Variants in CTTNBP2 observed in about 807,000 individuals in gnomAD.
The protein encoded by CTTNBP2 is cortactin binding protein 2.
A neutral mutation model predicts 156.9 loss-of-function variants in CTTNBP2; 108 were observed. The ratio of observed to expected loss-of-function variants is 0.69; its 90% CI spans 0.59 to 0.81. CTTNBP2 has a LOEUF of 0.81. Among genes scored for constraint, CTTNBP2 ranks in the 30% least tolerant of loss-of-function variants. CTTNBP2 has a pLI of 0.00. For missense variants in CTTNBP2, 1,924 were observed against 2,035.4 expected, an observed-to-expected ratio of 0.95 and a Z score of 1.05; for synonymous variants, 767 against 751.8, an observed-to-expected ratio of 1.02 and a Z score of -0.33.
At chr7:117,825,043 G>C (rs1184722027) in intron 2 of CTTNBP2, among the ~76,000 whole-genome samples, 1 of 152,170 alleles carries the variant, frequency 6.6e-6, no homozygotes. Context: ...GAATCTTTCT[G>C]AATATATTTA....
In CTTNBP2 at chr7:117,791,619, C is replaced by T. The variant is rs868015126; in HGVS notation, c.1577G>A (p.Arg526Gln). ...GDVGTHPPVG[R>Q]TSLKTHGVAR... ...TACACCATGAGTCTTTAAACTGGTCCGACCAACTGGAGGGTGGGTGCCAAC... is the reference window on the plus strand; with the variant it reads ...TACACCATGAGTCTTTAAACTGGTCTGACCAACTGGAGGGTGGGTGCCAAC... The change falls in exon 4 of 23, where the codon CGG (arginine) becomes CAG (glutamine). Residue 526 changes from arginine to glutamine, a missense_variant. Arg to Gln is a conservative substitution (Grantham distance 43, BLOSUM62 1). Coordinates refer to ENST00000160373, the MANE Select transcript of CTTNBP2 (RefSeq NM_033427.3). 23 of 1,613,980 alleles carry T rather than the reference C, an allele frequency of 1.4e-5. No homozygotes were observed. Among genetic ancestry groups the T allele is most frequent in the East Asian group, 4.5e-5 (2 of 44,876 alleles).
At chr7:117,836,319 C>T (rs1329699706) in intron 2 of CTTNBP2, among the ~76,000 whole-genome samples, 1 of 152,174 alleles carries the variant, frequency 6.6e-6, no homozygotes, top group Non-Finnish European at 1.5e-5. Context: ...AATCCCAGCA[C>T]TTTGGGAGGC....
At chr7:117,789,995 T>C (rs1455620167) in intron 4 of CTTNBP2, among the ~76,000 whole-genome samples, 2 of 152,220 alleles carry the variant, frequency 1.3e-5, no homozygotes, top group Non-Finnish European at 2.9e-5. Context: ...ACTGCTGTCA[T>C]CACCTGATAA....
intron 7 of CTTNBP2, among the ~76,000 whole-genome samples, chr7:117,778,488 A>T (rs1305291933): frequency 1.3e-5 from 2 of 152,184 alleles, no homozygotes; most frequent in African/African-American, 4.8e-5. Flanking sequence ...AGTCCTTTTT[A>T]GGGCAGTGAT....
chr7:117,804,867 C>G (rs963967748), intron 3 of CTTNBP2, among the ~76,000 whole-genome samples: 5 of 152,162 alleles, frequency 3.3e-5, no homozygotes, highest in Non-Finnish European at 7.4e-5. Context: ...CACCATGGCA[C>G]ATGTTTACCT....
intron 8 of CTTNBP2, 32 bp downstream of exon 8, chr7:117,777,479 T>G (rs200335963): frequency 7.2e-5 from 115 of 1,596,652 alleles, no homozygotes; most frequent in South Asian, 4.0e-4. Flanking sequence ...AAATTACAGC[T>G]GCATGATGAG....
chr7:117,754,436 C>T (rs1281993718), intron 12 of CTTNBP2, among the ~76,000 whole-genome samples: 1 of 152,112 alleles, frequency 6.6e-6, no homozygotes, highest in East Asian at 1.9e-4. Flanking sequence ...TGTATGAGGC[C>T]AGGCAATGTG....
intron 3 of CTTNBP2, among the ~76,000 whole-genome samples, chr7:117,807,840 G>A (rs1342361953): frequency 1.3e-5 from 2 of 152,190 alleles, no homozygotes; most frequent in African/African-American, 4.8e-5. Context: ...TGCTGGCTGG[G>A]AAGAGCTAGT....
At chr7:117,766,977 G>T in intron 9 of CTTNBP2, 82 bp downstream of exon 9, 1 of 806,492 alleles carries the variant, frequency 1.2e-6, no homozygotes, top group Non-Finnish European at 2.2e-6. Flanking sequence ...ACATGCAAAA[G>T]ATGTAAATAG....
At chr7:117,753,362 T>G (rs1313872909) in intron 12 of CTTNBP2, among the ~76,000 whole-genome samples, 3 of 152,174 alleles carry the variant, frequency 2.0e-5, no homozygotes, top group Non-Finnish European at 4.4e-5. Context: ...CATTTCTTTC[T>G]AGAGGCAGAA....
intron 19 of CTTNBP2, among the ~76,000 whole-genome samples, chr7:117,722,260 T>G: frequency 6.8e-6 from 1 of 148,050 alleles, no homozygotes; most frequent in East Asian, 1.9e-4. Flanking sequence ...TGTGTTGGTT[T>G]TTTTTTTTTT....
At position 117,791,264 on chromosome 7, in the gene CTTNBP2, G is replaced by A. The variant is rs148428403; in HGVS notation, c.1932C>T (p.Pro644=). ...SQVGAWPAAT[P]GLNQPACSDS... Reference sequence around the variant, plus strand: ...CTGAACATGCAGGTTGGTTCAGTCCGGGGGTTGCAGCAGGCCAGGCACCCA... The same window carrying A: ...CTGAACATGCAGGTTGGTTCAGTCCAGGGGTTGCAGCAGGCCAGGCACCCA... The change falls in exon 4 of 23, where the codon CCC becomes CCT. Residue 644 remains proline, a synonymous_variant. Transcript: ENST00000160373. 42 of 1,614,138 alleles carry A rather than the reference G, an allele frequency of 2.6e-5. No homozygotes were observed. The highest frequency in any genetic ancestry group is 1.6e-4 in the Middle Eastern group (1 of 6,062).
At chr7:117,790,045 T>A (rs1272459680) in intron 4 of CTTNBP2, among the ~76,000 whole-genome samples, 1 of 152,192 alleles carries the variant, frequency 6.6e-6, no homozygotes, top group African/African-American at 2.4e-5. Flanking sequence ...CTCTCTCCCC[T>A]CAAAGTATTA....
intron 2 of CTTNBP2, among the ~76,000 whole-genome samples, chr7:117,858,295 G>A (rs958977617): frequency 6.6e-6 from 1 of 152,126 alleles, no homozygotes. Context: ...GCGTGAACCC[G>A]GGAGGTGGGG....
At chr7:117,845,282 T>G (rs1460980504) in intron 2 of CTTNBP2, among the ~76,000 whole-genome samples, 1 of 152,182 alleles carries the variant, frequency 6.6e-6, no homozygotes, top group African/African-American at 2.4e-5. Flanking sequence ...ATGCAGTGAT[T>G]GAAAAATCTC....
chr7:117,861,452 A>C (rs1054724284), intron 1 of CTTNBP2, 136 bp from the exon 2 acceptor site: 26 of 631,772 alleles, frequency 4.1e-5, no homozygotes, highest in Admixed American at 8.3e-5. Flanking sequence ...TATTTGCAGC[A>C]GACAATTTAC....
intron 22 of CTTNBP2, among the ~76,000 whole-genome samples, chr7:117,712,791 T>A (rs1381434428): frequency 6.6e-6 from 1 of 152,150 alleles, no homozygotes; most frequent in Admixed American, 6.5e-5. Flanking sequence ...AGATTCATAT[T>A]TAATAGTTCT....
intron 2 of CTTNBP2, among the ~76,000 whole-genome samples, chr7:117,812,947 AG>A (rs1251490858): frequency 6.6e-6 from 1 of 152,146 alleles, no homozygotes; most frequent in Non-Finnish European, 1.5e-5. Flanking sequence ...CATCTGCTGC[AG>A]GCTAACATTT....
intron 2 of CTTNBP2, among the ~76,000 whole-genome samples, chr7:117,831,625 C>G (rs577845607): frequency 6.6e-6 from 1 of 152,224 alleles, no homozygotes; most frequent in South Asian, 2.1e-4. Context: ...TTTGAGGTCT[C>G]CAAACTCACC....
Sources: allele counts gnomAD v4.1 joint callset (sites outside exome capture counted in the v4.1 genomes callset), GRCh38; gene constraint gnomAD v4.1.1; transcripts MANE v1.5; gene names NCBI Gene and HGNC (gene_info 2026-07-23, HGNC 2026-07-21).